CARNMT1: variants seen among roughly 807,000 people sequenced by gnomAD.
The protein encoded by CARNMT1 is protein-L-histidine N-pros-methyltransferase CARNMT1.
Under a neutral mutation model 49.6 loss-of-function variants are expected in CARNMT1, and 28 were observed. The ratio of observed to expected loss-of-function variants is 0.56; its 90% CI spans 0.42 to 0.77. The LOEUF (loss-of-function observed/expected upper bound fraction) is 0.77. Ranked by LOEUF, CARNMT1 falls within the 30% of genes least tolerant of loss-of-function variation. The pLI, the probability that CARNMT1 is intolerant of heterozygous loss-of-function variation, is 0.00. For synonymous variants in CARNMT1, 178 were observed against 175.0 expected (o/e 1.02, Z -0.13); for missense variants, 421 against 512.6 (o/e 0.82, Z 1.73).
intron 6 of CARNMT1, among the ~76,000 whole-genome samples, chr9:74,992,962 A>G (rs868300014): frequency 2.0e-5 from 3 of 152,234 alleles, no homozygotes; most frequent in Non-Finnish European, 2.9e-5. Flanking sequence ...AGCCAAAACC[A>G]TAAGAATGTT....
chr9:74,990,934 T>C (rs1322997437), intron 6 of CARNMT1, among the ~76,000 whole-genome samples: 1 of 152,164 alleles, frequency 6.6e-6, no homozygotes, highest in East Asian at 1.9e-4. Flanking sequence ...TGTAGGCTGT[T>C]TGTAAGAGAC....
In CARNMT1 at chr9:74,983,738, T is replaced by G. The variant is rs1236191001; in HGVS notation, c.*29A>C. On this transcript the variant is annotated 3_prime_UTR_variant, in exon 8 of 8. Transcript: ENST00000376834. The stretch of plus-strand genomic sequence containing the variant: ...ATTTCAGCATTTGTTCTTACTAAAC[T>G]TTTTTCCAGGTGGTATCACTTGAGA... The G allele has an allele frequency of 7.8e-6, 11 of 1,410,760 alleles. No individual in the cohort carries two copies. The highest frequency in any genetic ancestry group is 1.1e-5 in the Non-Finnish European group (11 of 1,023,202). 87.4% of individuals were successfully genotyped at this position (1,410,760 alleles called of 1,614,324 possible).
At chr9:75,007,965 T>C (rs918264550) in intron 3 of CARNMT1, among the ~76,000 whole-genome samples, 40 of 151,768 alleles carry the variant, frequency 2.6e-4, no homozygotes, top group African/African-American at 9.4e-4. Flanking sequence ...TAAAGCAAGA[T>C]TGCAGGGTAC....
chr9:74,995,769 AAC>A (rs1056129743), intron 6 of CARNMT1, among the ~76,000 whole-genome samples: 15 of 152,288 alleles, frequency 9.8e-5, no homozygotes, highest in Admixed American at 9.2e-4. Context: ...TGTCTTTCTG[AAC>A]ACAGATTATA....
intron 3 of CARNMT1, among the ~76,000 whole-genome samples, chr9:75,008,184 A>AAC (rs1833576059): frequency 6.6e-6 from 1 of 151,128 alleles, no homozygotes; most frequent in African/African-American, 2.4e-5. Context: ...AAAAAAAAAA[A>AAC]AAAAAAAAAA....
At chr9:75,027,482 C>T (rs1174865572) in intron 1 of CARNMT1, 2 of 985,234 alleles carry the variant, frequency 2.0e-6, no homozygotes, top group Non-Finnish European at 2.4e-6. Context: ...CACAAAAGTG[C>T]AAGTGCGTTC....
intron 6 of CARNMT1, among the ~76,000 whole-genome samples, chr9:74,990,494 G>A (rs943126026): frequency 1.2e-4 from 18 of 152,176 alleles, no homozygotes; most frequent in East Asian, 5.8e-4. Context: ...GTATGTGTGT[G>A]TGTTTAGTTT....
intron 3 of CARNMT1, among the ~76,000 whole-genome samples, chr9:75,000,174 A>G (rs1445410101): frequency 6.6e-6 from 1 of 152,188 alleles, no homozygotes; most frequent in East Asian, 1.9e-4. Flanking sequence ...CTGAACAACT[A>G]TCTTAGAAAG....
In CARNMT1 at chr9:75,001,598, A is replaced by C. The variant is rs192121826; in HGVS notation, c.591-1728T>G. On this transcript the variant is annotated intron_variant, in intron 3 of 7. Transcript: ENST00000376834. ...GAAGTGGACATGTAAGAAATGCATT[A>C]AAACAAACCCTCTAGAACTGAAAAA... is the stretch of plus-strand genomic sequence containing the variant. 1.8e-3 allele frequency among the ~76,000 whole-genome samples: 273 copies of C among 152,348 alleles called. 7 individuals carry two copies. The highest frequency in any genetic ancestry group is 3.8e-4 in the Non-Finnish European group (26 of 68,032).
At chr9:75,009,054 GAC>G (rs994373600) in intron 3 of CARNMT1, among the ~76,000 whole-genome samples, 9 of 145,382 alleles carry the variant, frequency 6.2e-5, no homozygotes, top group African/African-American at 2.3e-4. Context: ...ATCGGGAAAG[GAC>G]AGTCTTTTTT....
chr9:74,983,994 C>T, intron 7 of CARNMT1, 126 bp from the exon 8 acceptor site: 1 of 507,890 alleles, frequency 2.0e-6, no homozygotes. Context: ...CATACAACTA[C>T]CCCCATAAGA....
intron 6 of CARNMT1, 30 bp downstream of exon 6, chr9:74,996,417 C>T (rs1372707488): frequency 8.2e-7 from 1 of 1,216,260 alleles, no homozygotes; most frequent in Non-Finnish European, 1.2e-6. Flanking sequence ...GATTAATATA[C>T]AAAATTTTAG....
intron 3 of CARNMT1, among the ~76,000 whole-genome samples, chr9:75,005,874 A>ACACACACACAC (rs1833496284): frequency 6.8e-6 from 1 of 146,488 alleles, no homozygotes; most frequent in Non-Finnish European, 1.5e-5. Flanking sequence ...ACACACACAC[A>ACACACACACAC]ATAAAAGGCT....
At chr9:75,017,949 G>A (rs1833899234) in intron 1 of CARNMT1, among the ~76,000 whole-genome samples, 1 of 151,900 alleles carries the variant, frequency 6.6e-6, no homozygotes, top group Non-Finnish European at 1.5e-5. Flanking sequence ...ATTCTATAGT[G>A]TTTTACTTAA....
intron 2 of CARNMT1, 69 bp from the exon 3 acceptor site, chr9:75,016,500 T>TG (rs1170900089): frequency 1.3e-6 from 2 of 1,491,244 alleles, no homozygotes; most frequent in African/African-American, 2.8e-5. Flanking sequence ...TAAATAGACA[T>TG]GCTACTAAGG....
intron 7 of CARNMT1, 95 bp from the exon 8 acceptor site, chr9:74,983,963 T>C: frequency 1.5e-6 from 1 of 681,754 alleles, no homozygotes; most frequent in African/African-American, 1.8e-5. Context: ...CAGGCACTAT[T>C]TTAAGCATAT....
At chr9:74,993,420 AG>A (rs1305330512) in intron 6 of CARNMT1, among the ~76,000 whole-genome samples, 1 of 152,176 alleles carries the variant, frequency 6.6e-6, no homozygotes, top group African/African-American at 2.4e-5. Flanking sequence ...TGAAGAGTTT[AG>A]GTTTTCCAGA....
intron 3 of CARNMT1, among the ~76,000 whole-genome samples, chr9:75,008,676 T>A (rs1458511134): frequency 6.6e-6 from 1 of 152,122 alleles, no homozygotes; most frequent in Non-Finnish European, 1.5e-5. Context: ...TGAGAGAAAT[T>A]AAAGCTCTAA....
chr9:74,999,181 G>A (rs1310179652), intron 4 of CARNMT1, among the ~76,000 whole-genome samples: 22 of 151,478 alleles, frequency 1.5e-4, no homozygotes, highest in Admixed American at 1.1e-3. Flanking sequence ...ACTGCCATCC[G>A]AGACAACATA....
Sources: gnomAD v4.1 joint callset for allele counts (sites outside exome capture counted in the v4.1 genomes callset) on GRCh38, gnomAD v4.1.1 for gene constraint, MANE v1.5 for transcripts, NCBI Gene and HGNC (gene_info 2026-07-23, HGNC 2026-07-21) for gene names.